The following NEK11 variants were observed in gnomAD, a reference collection of about 807,000 sequenced individuals.
The protein encoded by NEK11 is serine/threonine-protein kinase Nek11.
NEK11 carries 72 observed loss-of-function variants against 80.7 expected under a neutral mutation model. That is an observed-to-expected ratio of 0.89 (90% CI 0.74 to 1.08). The LOEUF (loss-of-function observed/expected upper bound fraction) is 1.08, where lower values mean the gene tolerates loss of function less well. Among genes scored for constraint, NEK11 ranks in the 50% least tolerant of loss-of-function variants. The pLI is 0.00. For synonymous variants in NEK11, 251 were observed against 260.7 expected (o/e 0.96, Z 0.36); for missense variants, 764 against 763.6 (o/e 1.00, Z -0.01).
chr3:131,327,290 C>T (rs946424387), intron 17 of NEK11: 1 of 152,152 alleles, frequency 6.6e-6, no homozygotes, highest in Admixed American at 6.5e-5. Flanking sequence ...CTGGGAAGCC[C>T]AAGGGTGGTC....
In NEK11 at chr3:131,350,052, G is replaced by A; in HGVS notation, c.*276G>A. 1 of 371,154 alleles carries A rather than the reference G, an allele frequency of 2.7e-6. No homozygotes were observed. The highest frequency in any genetic ancestry group is 5.0e-6 in the Non-Finnish European group (1 of 200,702). The allele number at this position is 371,154 out of a possible 1,614,324, so 23.0% of individuals were successfully genotyped here. A position where few individuals can be genotyped will look rare whatever the true frequency, so the allele number is the denominator to read the frequency against. On this transcript the variant is annotated 3_prime_UTR_variant, in exon 18 of 18. Transcript: ENST00000383366. ...CATTTCTCTCATGTGCGCCCTCAGGGCTTCCAGCAGGATTGAGTCACCCTG... is the reference window on the plus strand; with the variant it reads ...CATTTCTCTCATGTGCGCCCTCAGGACTTCCAGCAGGATTGAGTCACCCTG...
chr3:131,335,429 A>T (rs909302133), intron 17 of NEK11, among the ~76,000 whole-genome samples: 38 of 152,338 alleles, frequency 2.5e-4, no homozygotes, highest in Admixed American at 9.1e-4. Context: ...CCTTCATGCT[A>T]AAAACTCTCA....
At chr3:131,173,070 C>G (rs114572842) in intron 14 of NEK11, among the ~76,000 whole-genome samples, 2,500 of 152,266 alleles carry the variant, frequency 0.016, 77 homozygotes, top group African/African-American at 0.056. Flanking sequence ...CCACCCCTTT[C>G]CTGGAAAACT....
At chr3:131,174,806 G>A (rs2092912877) in intron 14 of NEK11, 2 of 1,609,860 alleles carry the variant, frequency 1.2e-6, no homozygotes, top group Admixed American at 3.4e-5. Flanking sequence ...TTTTTCCAAA[G>A]CTGGAATAGC....
At chr3:131,082,510 T>C (rs952196687) in intron 4 of NEK11, among the ~76,000 whole-genome samples, 1 of 152,232 alleles carries the variant, frequency 6.6e-6, no homozygotes, top group African/African-American at 2.4e-5. Flanking sequence ...CTGTCTAATA[T>C]AGTAGTCGCT....
chr3:131,034,819 C>T (rs901159412), intron 3 of NEK11, among the ~76,000 whole-genome samples: 4 of 152,316 alleles, frequency 2.6e-5, no homozygotes, highest in Admixed American at 6.5e-5. Flanking sequence ...AACTAGTATA[C>T]AGTACAAGAC....
intron 11 of NEK11, among the ~76,000 whole-genome samples, chr3:131,164,039 C>G (rs947807165): frequency 2.0e-5 from 3 of 152,102 alleles, no homozygotes; most frequent in Non-Finnish European, 4.4e-5. Flanking sequence ...TTAATTTATC[C>G]AAAAAATGAT....
chr3:131,169,004 G>T, intron 13 of NEK11, 67 bp downstream of exon 13: 1 of 1,230,328 alleles, frequency 8.1e-7, no homozygotes, highest in Non-Finnish European at 1.2e-6. Flanking sequence ...GAACAAAGGG[G>T]AAAGAAAATG....
At chr3:131,290,286 A>G (rs1372172488) in intron 17 of NEK11, among the ~76,000 whole-genome samples, 1 of 152,150 alleles carries the variant, frequency 6.6e-6, no homozygotes, top group Non-Finnish European at 1.5e-5. Context: ...AAATGTGTGC[A>G]CCTTCACCAG....
At chr3:131,057,631 A>T (rs1577568570) in intron 3 of NEK11, among the ~76,000 whole-genome samples, 1 of 152,198 alleles carries the variant, frequency 6.6e-6, no homozygotes, top group Non-Finnish European at 1.5e-5. Context: ...CATTTCTCTG[A>T]TGGCCAGTGA....
At position 131,149,927 on chromosome 3, in the gene NEK11, G is replaced by A. The variant is rs78963704; in HGVS notation, c.648-2461G>A. Among the ~76,000 whole-genome samples, 1,037 of 151,310 alleles carry A rather than the reference G, an allele frequency of 6.9e-3. 2 individuals carry two copies. The highest frequency in any genetic ancestry group is 0.011 in the Non-Finnish European group (718 of 67,726). ...TTTAACTTCTCAAATTGACTTATACGGTAGATATTAAGTTTTTTTGTAATA... is the reference window on the plus strand; with the variant it reads ...TTTAACTTCTCAAATTGACTTATACAGTAGATATTAAGTTTTTTTGTAATA... On this transcript the variant is annotated intron_variant, in intron 7 of 17. Coordinates refer to ENST00000383366, the MANE Select transcript of NEK11 (RefSeq NM_024800.5).
rs752155683 is a variant in NEK11 at position 131,273,503 on chromosome 3, T to A, written c.1647T>A (p.Ala549=). 6.2e-7 allele frequency: 1 copy of A among 1,613,982 alleles called. No homozygotes were observed. Among genetic ancestry groups the A allele is most frequent in the Non-Finnish European group, 8.5e-7 (1 of 1,179,890 alleles). Residue 549 remains alanine, a synonymous_variant, in exon 17 of 18, where the codon GCT becomes GCA. Transcript: ENST00000383366. ...ACACAAAGACCATCACCACCATGGC[T>A]GAAGACATGTCCCCAGGACCACCAA... ...SLDTKTITTM[A]EDMSPGPPIF...
intron 14 of NEK11, among the ~76,000 whole-genome samples, chr3:131,190,398 G>A (rs1474563687): frequency 6.6e-6 from 1 of 152,196 alleles, no homozygotes. Context: ...CTCATGAATG[G>A]CTTAATGTCA....
At chr3:131,257,267 A>T (rs1023536100) in intron 16 of NEK11, among the ~76,000 whole-genome samples, 1 of 151,408 alleles carries the variant, frequency 6.6e-6, no homozygotes, top group Non-Finnish European at 1.5e-5. Flanking sequence ...AAGTGCTGGG[A>T]TTACAGATGT....
intron 5 of NEK11, among the ~76,000 whole-genome samples, chr3:131,119,638 A>G (rs551435973): frequency 5.7e-4 from 87 of 152,294 alleles, no homozygotes; most frequent in African/African-American, 2.0e-3. Context: ...GACTTGCTTT[A>G]TGAATCTGGG....
At chr3:131,332,178 AC>A (rs2097100153) in intron 17 of NEK11, among the ~76,000 whole-genome samples, 1 of 152,030 alleles carries the variant, frequency 6.6e-6, no homozygotes, top group African/African-American at 2.4e-5. Flanking sequence ...TGGGTCCCAG[AC>A]CCCTGACCCC....
chr3:131,049,693 G>A (rs1376207587), intron 3 of NEK11, among the ~76,000 whole-genome samples: 2 of 152,104 alleles, frequency 1.3e-5, no homozygotes, highest in African/African-American at 2.4e-5. Flanking sequence ...GCAGAACCAA[G>A]ATGTCAGTTT....
At chr3:131,287,649 C>T (rs2108913551) in intron 17 of NEK11, among the ~76,000 whole-genome samples, 1 of 152,200 alleles carries the variant, frequency 6.6e-6, no homozygotes, top group East Asian at 1.9e-4. Flanking sequence ...AAGAGTATCT[C>T]AGAAATGCTA....
intron 17 of NEK11, among the ~76,000 whole-genome samples, chr3:131,295,010 T>C (rs2096579080): frequency 6.7e-6 from 1 of 149,096 alleles, no homozygotes. Flanking sequence ...TTGGATCTTG[T>C]TTTTTGTTTT....
Sources: gnomAD v4.1 joint callset for allele counts (sites outside exome capture counted in the v4.1 genomes callset) on GRCh38, gnomAD v4.1.1 for gene constraint, MANE v1.5 for transcripts, NCBI Gene and HGNC (gene_info 2026-07-23, HGNC 2026-07-21) for gene names.